SULT4A1: variants seen among roughly 807,000 people sequenced by gnomAD.
SULT4A1 encodes the protein sulfotransferase 4A1.
Under a neutral mutation model 35.2 loss-of-function variants are expected in SULT4A1, and 11 were observed. That is an observed-to-expected ratio of 0.31 (90% CI 0.20 to 0.52). SULT4A1 has a LOEUF of 0.52. Ranked by LOEUF, SULT4A1 falls within the 20% of genes least tolerant of loss-of-function variation. The pLI is 0.97. For missense variants in SULT4A1, 271 were observed against 383.7 expected (o/e 0.71, Z 2.45); for synonymous variants, 152 against 151.8 (o/e 1.00, Z -0.01).
Position 43,829,041 on chromosome 22 carries a change from G to A in SULT4A1, c.742+19C>T. The A allele has an allele frequency of 1.3e-6, 2 of 1,507,654 alleles. No individual in the cohort carries two copies. The highest frequency in any genetic ancestry group is 1.8e-6 in the Non-Finnish European group (2 of 1,121,042). 93.4% of individuals were successfully genotyped at this position (1,507,654 alleles called of 1,614,324 possible). A position where few individuals can be genotyped will look rare whatever the true frequency, so the allele number is the denominator to read the frequency against. ...TGGGGTGGGGAGTGCCTGGGCGGGA[G>A]GCAGGGTGGGGCACGTACCCCGGCC... On this transcript the variant is annotated intron_variant, in intron 6 of 6. Coordinates refer to ENST00000330884, the MANE Select transcript of SULT4A1 (RefSeq NM_014351.4).
intron 4 of SULT4A1, among the ~76,000 whole-genome samples, chr22:43,837,426 G>C (rs1436592036): frequency 6.6e-6 from 1 of 152,204 alleles, no homozygotes; most frequent in Non-Finnish European, 1.5e-5. Context: ...CAGAGTCCAT[G>C]CTGGACCCTA....
chr22:43,859,270 CT>C (rs1174028829), intron 1 of SULT4A1, among the ~76,000 whole-genome samples: 2 of 152,218 alleles, frequency 1.3e-5, no homozygotes, highest in African/African-American at 4.8e-5. Flanking sequence ...TGGTCAAATC[CT>C]CTCATTTTTA....
intron 5 of SULT4A1, among the ~76,000 whole-genome samples, chr22:43,832,112 C>T (rs1426775554): frequency 2.0e-5 from 3 of 152,200 alleles, no homozygotes; most frequent in Non-Finnish European, 4.4e-5. Context: ...CCACGGCCGA[C>T]GGCTTCACAG....
intron 6 of SULT4A1, chr22:43,827,635 A>G: frequency 7.3e-7 from 1 of 1,366,406 alleles, no homozygotes; most frequent in Non-Finnish European, 9.8e-7. Context: ...GCAAAGACGC[A>G]ATGTGCTAAA....
Position 43,825,991 on chromosome 22 carries a change from G to T in SULT4A1, c.*10C>A, listed in dbSNP as rs1235542509. The T allele has an allele frequency of 1.2e-6, 2 of 1,612,556 alleles. No homozygotes were observed. The highest frequency in any genetic ancestry group is 4.5e-5 in the East Asian group (2 of 44,876). ...GGGTATTGTGAGCATGCAGGTTGTT[G>T]TTTCTGTTATTATAAATAAAAGTCA... On this transcript the variant is annotated 3_prime_UTR_variant, in exon 7 of 7. Transcript: ENST00000330884.
intron 1 of SULT4A1, among the ~76,000 whole-genome samples, chr22:43,846,585 G>A (rs2063478592): frequency 6.6e-6 from 1 of 152,242 alleles, no homozygotes; most frequent in African/African-American, 2.4e-5. Context: ...GAAGGAAGTG[G>A]TCTGGCTTGG....
In SULT4A1 at chr22:43,862,466, A is replaced by G; in HGVS notation, c.-84T>C. 1 of 565,870 alleles carries G rather than the reference A, an allele frequency of 1.8e-6. No homozygotes were observed. The highest frequency in any genetic ancestry group is 2.2e-6 in the Non-Finnish European group (1 of 463,164). 35.1% of individuals were successfully genotyped at this position (565,870 alleles called of 1,614,324 possible). On this transcript the variant is annotated 5_prime_UTR_variant, in exon 1 of 7. Coordinates refer to ENST00000330884, the MANE Select transcript of SULT4A1 (RefSeq NM_014351.4). ...GCCCGCGCCCGCGCCCGCGCCCCGC[A>G]CACGCTCGCGCCCCACCGGCGCGCG...
intron 1 of SULT4A1, among the ~76,000 whole-genome samples, chr22:43,860,992 T>A (rs921419689): frequency 6.6e-6 from 1 of 152,060 alleles, no homozygotes; most frequent in Admixed American, 6.5e-5. Context: ...CCTCACAGAT[T>A]AACAGCGATA....
chr22:43,827,297 T>C (rs1255668948), intron 6 of SULT4A1: 1 of 985,324 alleles, frequency 1.0e-6, no homozygotes, highest in Admixed American at 6.1e-5. Flanking sequence ...ACTGCAACCC[T>C]GCAAATGCTG....
chr22:43,826,536 A>G (rs138059), intron 6 of SULT4A1: 210,092 of 985,158 alleles, frequency 0.21, 22,903 homozygotes, highest in African/African-American at 0.33. Context: ...TCTGGGCATC[A>G]CAGGCAGCCC....
chr22:43,846,890 C>T (rs561806693), intron 1 of SULT4A1, among the ~76,000 whole-genome samples: 28 of 152,290 alleles, frequency 1.8e-4, no homozygotes, highest in African/African-American at 4.8e-4. Flanking sequence ...CTATTTTTCA[C>T]GTTCCCCACC....
chr22:43,837,466 T>A (rs536021023), intron 4 of SULT4A1, among the ~76,000 whole-genome samples: 1 of 152,114 alleles, frequency 6.6e-6, no homozygotes, highest in South Asian at 2.1e-4. Flanking sequence ...CATGAGTGGG[T>A]TGCTCCAAAT....
chr22:43,858,195 C>T (rs896445704), intron 1 of SULT4A1, among the ~76,000 whole-genome samples: 1 of 152,144 alleles, frequency 6.6e-6, no homozygotes, highest in African/African-American at 2.4e-5. Flanking sequence ...TGGCTCACAC[C>T]CATAATCCCA....
At chr22:43,827,684 G>A (rs1390160092) in intron 6 of SULT4A1, 2 of 1,357,222 alleles carry the variant, frequency 1.5e-6, no homozygotes, top group South Asian at 2.3e-5. Context: ...GCAAAACCAA[G>A]GTAAACCATG....
In SULT4A1 at chr22:43,841,942, A is replaced by G. The variant is rs747863279; in HGVS notation, c.170-10T>C. On this transcript the variant is annotated splice_polypyrimidine_tract_variant and intron_variant, in intron 1 of 6. Coordinates refer to ENST00000330884, the MANE Select transcript of SULT4A1 (RefSeq NM_014351.4). ...TGCAGCAAGCTGGTGCCTGGAGGGG[A>G]GAAGCCCCAGCGCGGGGTGCTCAGA... 13 of 1,611,804 alleles carry G rather than the reference A, an allele frequency of 8.1e-6. No homozygotes were observed. In the Admixed American group the frequency reaches 8.3e-5, roughly 10 times the overall value.
chr22:43,841,386 T>C lies in SULT4A1; in HGVS notation c.300+416A>G, dbSNP rs1244911012. On this transcript the variant is annotated intron_variant, in intron 2 of 6. Coordinates refer to ENST00000330884, the MANE Select transcript of SULT4A1 (RefSeq NM_014351.4). Reference sequence around the variant, plus strand: ...GTGCAGCGGACGGGGTGGGGGTGCCTGTGGGTGTGTCTGAGGGGTGCGGGG... The same window carrying C: ...GTGCAGCGGACGGGGTGGGGGTGCCCGTGGGTGTGTCTGAGGGGTGCGGGG... Among the ~76,000 whole-genome samples, 7 of 152,112 alleles carry C rather than the reference T, an allele frequency of 4.6e-5. No individual in the cohort carries two copies. The East Asian group carries it at 1.4e-3, about 29-fold the overall frequency.
chr22:43,829,763 C>T (rs1365565651), intron 5 of SULT4A1, among the ~76,000 whole-genome samples: 3 of 152,188 alleles, frequency 2.0e-5, no homozygotes, highest in Admixed American at 6.5e-5. Flanking sequence ...GGCCATTCCC[C>T]AGCCCCCCAC....
chr22:43,859,384 C>G (rs541597404), intron 1 of SULT4A1, among the ~76,000 whole-genome samples: 1 of 152,236 alleles, frequency 6.6e-6, no homozygotes, highest in Non-Finnish European at 1.5e-5. Context: ...CAGGACTGGC[C>G]GGAACCAGGG....
intron 1 of SULT4A1, among the ~76,000 whole-genome samples, chr22:43,857,370 C>CAAAAAAAAAAAAAAAAAAAAGAA: frequency 1.1e-5 from 1 of 93,794 alleles, no homozygotes; most frequent in Non-Finnish European, 2.1e-5. Flanking sequence ...GATCCTGTCT[C>CAAAAAAAAAAAAAAAAAAAAGAA]AAAAAAAAAA....
Sources: gnomAD v4.1 joint callset for allele counts (sites outside exome capture counted in the v4.1 genomes callset) on GRCh38, gnomAD v4.1.1 for gene constraint, MANE v1.5 for transcripts, NCBI Gene and HGNC (gene_info 2026-07-23, HGNC 2026-07-21) for gene names.